Variants in NAALADL2 observed in about 807,000 individuals in gnomAD.
NAALADL2 encodes N-acetylated alpha-linked acidic dipeptidase like 2.
A neutral mutation model predicts 87.2 loss-of-function variants in NAALADL2; 76 were observed. That is an observed-to-expected ratio of 0.87 (90% CI 0.72 to 1.05). The LOEUF (loss-of-function observed/expected upper bound fraction) is 1.05. NAALADL2 is among the 50% of genes least tolerant of loss of function. The pLI, the probability that NAALADL2 is intolerant of heterozygous loss-of-function variation, is 0.00. For missense variants in NAALADL2, 1,089 were observed against 945.8 expected (o/e 1.15, Z -1.99); for synonymous variants, 354 against 331.0 (o/e 1.07, Z -0.75).
intron 2 of NAALADL2, among the ~76,000 whole-genome samples, chr3:174,569,624 G>GT (rs1714687371): frequency 6.6e-6 from 1 of 151,810 alleles, no homozygotes; most frequent in Non-Finnish European, 1.5e-5. Context: ...GAGTGCCTGA[G>GT]TTTTTTATTT....
chr3:174,829,693 T>G (rs1248783430), intron 3 of NAALADL2, among the ~76,000 whole-genome samples: 1 of 143,304 alleles, frequency 7.0e-6, no homozygotes, highest in Non-Finnish European at 1.5e-5. Context: ...ATCGCCACAC[T>G]GACTTCCACA....
At chr3:175,657,529 G>T (rs1187458168) in intron 11 of NAALADL2, among the ~76,000 whole-genome samples, 2 of 150,750 alleles carry the variant, frequency 1.3e-5, no homozygotes, top group African/African-American at 4.9e-5. Context: ...TTGAGGCTTG[G>T]ATAAAATGAG....
chr3:175,131,624 T>C lies in NAALADL2; in HGVS notation c.545+34333T>C, dbSNP rs547038731. On this transcript the variant is annotated intron_variant, in intron 2 of 13. Coordinates refer to ENST00000454872, the MANE Select transcript of NAALADL2 (RefSeq NM_207015.3). ...GCTTTCTATTCCACAAAACCGCCAT[T>C]GTCATCCTGGCCCGTTCTCAATGAG... is the stretch of plus-strand genomic sequence containing the variant. Among the ~76,000 whole-genome samples, 5 of 152,278 alleles carry C rather than the reference T, an allele frequency of 3.3e-5. No individual in the cohort carries two copies. The South Asian group carries it at 8.3e-4, about 25-fold the overall frequency.
chr3:174,581,542 G>A (rs1476425373), intron 2 of NAALADL2, among the ~76,000 whole-genome samples: 1 of 152,146 alleles, frequency 6.6e-6, no homozygotes, highest in Non-Finnish European at 1.5e-5. Context: ...AAAGAATTGG[G>A]AAGGGAAGAG....
At chr3:175,650,463 A>G (rs570752493) in intron 11 of NAALADL2, among the ~76,000 whole-genome samples, 1 of 152,208 alleles carries the variant, frequency 6.6e-6, no homozygotes, top group African/African-American at 2.4e-5. Context: ...ATGAAATAGT[A>G]TACATGCAAT....
chr3:175,403,034 G>A (rs1416140290), intron 5 of NAALADL2, among the ~76,000 whole-genome samples: 1 of 152,078 alleles, frequency 6.6e-6, no homozygotes, highest in Admixed American at 6.6e-5. Context: ...CCAGTTTCTG[G>A]TTTGAGCTTT....
intron 13 of NAALADL2, among the ~76,000 whole-genome samples, chr3:175,801,848 C>G (rs1754191812): frequency 6.6e-6 from 1 of 152,038 alleles, no homozygotes; most frequent in African/African-American, 2.4e-5. Context: ...ATAAAGGGGA[C>G]TGTTTTAGAC....
chr3:174,695,546 A>G (rs1253054742), intron 2 of NAALADL2, among the ~76,000 whole-genome samples: 1 of 152,110 alleles, frequency 6.6e-6, no homozygotes, highest in Non-Finnish European at 1.5e-5. Context: ...TAAATTTTAT[A>G]TCACTAGATA....
chr3:174,502,225 C>T (rs1359486214), intron 1 of NAALADL2, among the ~76,000 whole-genome samples: 1 of 152,144 alleles, frequency 6.6e-6, no homozygotes, highest in African/African-American at 2.4e-5. Flanking sequence ...GACATACTGT[C>T]TGATTTGCAA....
At chr3:175,280,875 A>G (rs949564802) in intron 4 of NAALADL2, among the ~76,000 whole-genome samples, 1 of 151,988 alleles carries the variant, frequency 6.6e-6, no homozygotes, top group East Asian at 1.9e-4. Context: ...CTGATGCTAC[A>G]TCAGCGTATA....
At chr3:175,329,692 G>A (rs1347339662) in intron 5 of NAALADL2, among the ~76,000 whole-genome samples, 4 of 152,090 alleles carry the variant, frequency 2.6e-5, no homozygotes, top group African/African-American at 9.7e-5. Context: ...TCTTATATGT[G>A]CTCTGCAGGC....
intron 2 of NAALADL2, among the ~76,000 whole-genome samples, chr3:175,219,176 G>A (rs995555527): frequency 6.6e-6 from 1 of 152,038 alleles, no homozygotes; most frequent in Non-Finnish European, 1.5e-5. Context: ...CTTGCCAGCA[G>A]AATATGAGAA....
At chr3:175,397,237 A>T (rs1560487378) in intron 5 of NAALADL2, 1 of 152,130 alleles carries the variant, frequency 6.6e-6, no homozygotes, top group African/African-American at 2.4e-5. Context: ...ATTATTTTAT[A>T]CATTTTTAAA....
At chr3:175,641,697 C>T (rs758688207) in intron 11 of NAALADL2, among the ~76,000 whole-genome samples, 3 of 152,130 alleles carry the variant, frequency 2.0e-5, no homozygotes, top group Non-Finnish European at 4.4e-5. Context: ...AGTATATGCA[C>T]GTACATTCTG....
chr3:175,460,804 A>C (rs753718584), intron 6 of NAALADL2, among the ~76,000 whole-genome samples: 1 of 152,188 alleles, frequency 6.6e-6, no homozygotes, highest in Non-Finnish European at 1.5e-5. Context: ...AAAAGAGATG[A>C]TCATGTTCCC....
At chr3:175,716,104 TATATG>T (rs1741205673) in intron 11 of NAALADL2, among the ~76,000 whole-genome samples, 1 of 147,936 alleles carries the variant, frequency 6.8e-6, no homozygotes, top group Admixed American at 6.8e-5. Context: ...TGTAATATTA[TATATG>T]ATATATGTAA....
chr3:174,928,045 A>G (rs570884970), intron 1 of NAALADL2, among the ~76,000 whole-genome samples: 9 of 152,280 alleles, frequency 5.9e-5, no homozygotes, highest in South Asian at 2.1e-4. Flanking sequence ...ATGTATATTT[A>G]TAGGAAAAAG....
chr3:174,888,076 C>A (rs933682899), intron 1 of NAALADL2, among the ~76,000 whole-genome samples: 3 of 152,044 alleles, frequency 2.0e-5, no homozygotes, highest in Non-Finnish European at 4.4e-5. Context: ...GACCTGATTT[C>A]TAAATGATGA....
chr3:175,165,416 C>T lies in NAALADL2; in HGVS notation c.545+68125C>T, dbSNP rs1218751175. Among the ~76,000 whole-genome samples, 15 of 151,940 alleles carry T rather than the reference C, an allele frequency of 9.9e-5. 1 individual carries two copies. Among genetic ancestry groups the T allele is most frequent in the Admixed American group, 9.9e-4 (15 of 15,214 alleles). ...AAACAATAAGTAAATCAATAGAGGA[C>T]CTTCAACAGAACAAACTAAAAAAAT... On this transcript the variant is annotated intron_variant, in intron 2 of 13. Transcript: ENST00000454872.
Sources: allele counts gnomAD v4.1 joint callset (sites outside exome capture counted in the v4.1 genomes callset), GRCh38; gene constraint gnomAD v4.1.1; transcripts MANE v1.5; gene names NCBI Gene and HGNC (gene_info 2026-07-23, HGNC 2026-07-21).